CACNA2D1: variants seen among roughly 807,000 people sequenced by gnomAD.
CACNA2D1 encodes voltage-dependent calcium channel subunit alpha-2/delta-1.
Under a neutral mutation model 171.5 loss-of-function variants are expected in CACNA2D1, and 53 were observed. The observed-to-expected ratio is 0.31, with a 90% CI of 0.25 to 0.39. CACNA2D1 has a LOEUF of 0.39. CACNA2D1 is among the 10% of genes least tolerant of loss of function. The pLI, the probability that CACNA2D1 is intolerant of heterozygous loss-of-function variation, is 1.00. For synonymous variants in CACNA2D1, 442 were observed against 443.1 expected, an observed-to-expected ratio of 1.00 and a Z score of 0.03; for missense variants, 903 against 1,299.8, an observed-to-expected ratio of 0.69 and a Z score of 4.69.
rs907776127 is a variant in CACNA2D1, at chr7:81,964,504, C to T, written c.2575-145G>A. ...CTTAAAAACAAAAGCAAATGAGAAA[C>T]GTGTATATGACACTGTGAACAAACT... On this transcript the variant is annotated intron_variant, in intron 32 of 38. Transcript: ENST00000356860. 9 of 642,590 alleles carry T rather than the reference C, an allele frequency of 1.4e-5. No individual in the cohort carries two copies. In the Admixed American group the frequency reaches 1.6e-4, roughly 12 times the overall value. 39.8% of individuals were successfully genotyped at this position (642,590 alleles called of 1,614,324 possible).
intron 11 of CACNA2D1, among the ~76,000 whole-genome samples, chr7:82,033,650 C>G (rs1802979466): frequency 6.6e-6 from 1 of 151,966 alleles, no homozygotes; most frequent in African/African-American, 2.4e-5. Context: ...CTCTCTCAAC[C>G]AACCACACAT....
chr7:82,321,828 T>TA (rs920702487), intron 3 of CACNA2D1, among the ~76,000 whole-genome samples: 2 of 152,050 alleles, frequency 1.3e-5, no homozygotes, highest in Non-Finnish European at 2.9e-5. Context: ...AATCATTTCT[T>TA]AAAAAACAAG....
chr7:82,215,186 G>A (rs1320796671), intron 3 of CACNA2D1, among the ~76,000 whole-genome samples: 3 of 152,084 alleles, frequency 2.0e-5, no homozygotes, highest in African/African-American at 4.8e-5. Flanking sequence ...AAGACAGACC[G>A]CTCATTCATC....
Position 82,238,304 on chromosome 7 carries a change from A to G in CACNA2D1, c.295-67695T>C, listed in dbSNP as rs76660854. On this transcript the variant is annotated intron_variant, in intron 3 of 38. Transcript: ENST00000356860. Reference sequence around the variant, plus strand: ...TTTTGACGCCTCAATTTGTGAACCAATCATCTACAACATAGGGGAGAGGCA... The same window carrying G: ...TTTTGACGCCTCAATTTGTGAACCAGTCATCTACAACATAGGGGAGAGGCA... Among the ~76,000 whole-genome samples, 1,506 of 152,124 alleles carry G rather than the reference A, an allele frequency of 9.9e-3. 24 individuals carry two copies. Among genetic ancestry groups the G allele is most frequent in the African/African-American group, 0.035 (1,436 of 41,544 alleles).
chr7:82,327,690 T>C (rs968650773), intron 3 of CACNA2D1, among the ~76,000 whole-genome samples: 7 of 152,198 alleles, frequency 4.6e-5, no homozygotes, highest in African/African-American at 1.7e-4. Context: ...CCTGATTTCA[T>C]CTTGACACTT....
intron 3 of CACNA2D1, among the ~76,000 whole-genome samples, chr7:82,305,643 T>C (rs754260902): frequency 3.3e-5 from 5 of 152,216 alleles, no homozygotes; most frequent in Non-Finnish European, 4.4e-5. Flanking sequence ...CAAGATGGTA[T>C]AAAAACAACA....
intron 3 of CACNA2D1, among the ~76,000 whole-genome samples, chr7:82,272,039 A>G (rs1480952794): frequency 6.6e-6 from 1 of 152,196 alleles, no homozygotes; most frequent in Non-Finnish European, 1.5e-5. Flanking sequence ...ATAAATTTAC[A>G]GAAGTCAAAG....
chr7:82,208,440 A>G (rs1412450842), intron 3 of CACNA2D1, among the ~76,000 whole-genome samples: 2 of 152,144 alleles, frequency 1.3e-5, no homozygotes, highest in Non-Finnish European at 2.9e-5. Flanking sequence ...CACAGAGGCT[A>G]TATTCAAATA....
intron 3 of CACNA2D1, among the ~76,000 whole-genome samples, chr7:82,190,405 A>T (rs1798171916): frequency 6.6e-6 from 1 of 151,814 alleles, no homozygotes; most frequent in African/African-American, 2.4e-5. Flanking sequence ...ACTAAAAGAC[A>T]ATAGCAATTC....
At chr7:82,305,273 A>T (rs151219669) in intron 3 of CACNA2D1, among the ~76,000 whole-genome samples, 50 of 152,324 alleles carry the variant, frequency 3.3e-4, no homozygotes, top group African/African-American at 1.2e-3. Flanking sequence ...AATATATAGA[A>T]ATAATAGGAT....
chr7:82,024,167 C>A (rs539515413), intron 12 of CACNA2D1, among the ~76,000 whole-genome samples: 2 of 151,198 alleles, frequency 1.3e-5, no homozygotes, highest in East Asian at 3.9e-4. Context: ...GGATAAGTAT[C>A]CAGAAGTAGG....
chr7:82,033,629 G>A (rs1468009706), intron 11 of CACNA2D1, among the ~76,000 whole-genome samples: 1 of 151,908 alleles, frequency 6.6e-6, no homozygotes, highest in African/African-American at 2.4e-5. Flanking sequence ...TTCCCAGGAT[G>A]TCCTCTTATC....
At chr7:81,978,737 A>AT (rs1435170758) in intron 24 of CACNA2D1, among the ~76,000 whole-genome samples, 1 of 133,968 alleles carries the variant, frequency 7.5e-6, no homozygotes, top group Non-Finnish European at 1.6e-5. Flanking sequence ...GTTAAAGTAA[A>AT]TTTTTTTTAA....
At chr7:82,329,592 C>CA (rs1207900636) in intron 3 of CACNA2D1, among the ~76,000 whole-genome samples, 7 of 152,138 alleles carry the variant, frequency 4.6e-5, no homozygotes, top group African/African-American at 1.4e-4. Context: ...TGTTCATTAA[C>CA]ACTTGCAGAT....
At chr7:82,235,915 C>G (rs1803529493) in intron 3 of CACNA2D1, among the ~76,000 whole-genome samples, 1 of 152,238 alleles carries the variant, frequency 6.6e-6, no homozygotes, top group East Asian at 1.9e-4. Flanking sequence ...ATTTCCATGA[C>G]TCATTCCCCT....
intron 25 of CACNA2D1, 64 bp downstream of exon 25, chr7:81,974,391 T>TA: frequency 1.3e-6 from 1 of 797,402 alleles, no homozygotes; most frequent in Non-Finnish European, 2.2e-6. Context: ...TATCGTATCC[T>TA]ATGATATACT....
At chr7:82,426,331 C>G (rs1241853009) in intron 1 of CACNA2D1, among the ~76,000 whole-genome samples, 1 of 151,922 alleles carries the variant, frequency 6.6e-6, no homozygotes, top group Non-Finnish European at 1.5e-5. Flanking sequence ...ATTCATGCCT[C>G]TACACTAGGA....
At chr7:82,244,330 G>A (rs1047507956) in intron 3 of CACNA2D1, among the ~76,000 whole-genome samples, 1 of 152,028 alleles carries the variant, frequency 6.6e-6, no homozygotes, top group African/African-American at 2.4e-5. Flanking sequence ...TATTTATCAA[G>A]GGCGTTTCTA....
intron 10 of CACNA2D1, among the ~76,000 whole-genome samples, chr7:82,040,727 C>T (rs1803852292): frequency 6.6e-6 from 1 of 152,110 alleles, no homozygotes; most frequent in African/African-American, 2.4e-5. Flanking sequence ...GTAATCCCAG[C>T]ATTTTGGGAG....
Sources: allele counts gnomAD v4.1 joint callset (sites outside exome capture counted in the v4.1 genomes callset), GRCh38; gene constraint gnomAD v4.1.1; transcripts MANE v1.5; gene names NCBI Gene and HGNC (gene_info 2026-07-23, HGNC 2026-07-21).